SMN1: variants seen among roughly 807,000 people sequenced by gnomAD.
The protein encoded by SMN1 is survival motor neuron protein.
For missense variants in SMN1, 15 were observed against 17.1 expected (o/e 0.88, Z 0.22); for synonymous variants, 3 against 5.1 (o/e 0.58, Z 0.56).
intron 8 of SMN1, chr5:70,952,216 A>G: frequency 6.7e-7 from 1 of 1,497,742 alleles, no homozygotes; most frequent in Non-Finnish European, 8.9e-7. Flanking sequence ...GTTATGTGGA[A>G]GAAACATACT....
chr5:70,951,433 C>G (rs1749727816), intron 7 of SMN1, among the ~76,000 whole-genome samples: 1 of 151,896 alleles, frequency 6.6e-6, no homozygotes, highest in South Asian at 2.1e-4. Flanking sequence ...ACCACCATGC[C>G]TGGCTAATTT....
At chr5:70,943,869 A>G (rs1448495134) in intron 5 of SMN1, among the ~76,000 whole-genome samples, 3 of 140,924 alleles carry the variant, frequency 2.1e-5, no homozygotes, top group African/African-American at 5.0e-5. Context: ...GCTCACTGCA[A>G]CTTCCACCTC....
At chr5:70,956,691 C>T (rs1580898447), downstream of SMN1, among the ~76,000 whole-genome samples, 1 of 150,584 alleles carries the variant, frequency 6.6e-6, no homozygotes, top group East Asian at 2.0e-4. Context: ...GTTTTGGTAC[C>T]AGTACCATGC....
chr5:70,957,457 C>T (rs1317112805), downstream of SMN1, among the ~76,000 whole-genome samples: 3 of 147,436 alleles, frequency 2.0e-5, no homozygotes, highest in African/African-American at 2.5e-5. Flanking sequence ...GTGGGTTTGT[C>T]ATAGATAGCT....
intron 7 of SMN1, among the ~76,000 whole-genome samples, chr5:70,950,924 C>T (rs1001651962): frequency 7.3e-5 from 11 of 151,344 alleles, no homozygotes; most frequent in South Asian, 2.1e-4. Context: ...TAGGCGTGAG[C>T]CACTGTGCCC....
the SMN1 span, among the ~76,000 whole-genome samples, chr5:70,963,422 TAAG>T: frequency 4.8e-5 from 2 of 41,902 alleles, no homozygotes; most frequent in Non-Finnish European, 1.2e-4. Flanking sequence ...AAAGTTGACA[TAAG>T]AAGTTGTGGA....
chr5:70,948,110 CTG>C (rs1260202337), intron 7 of SMN1, among the ~76,000 whole-genome samples: 1 of 59,412 alleles, frequency 1.7e-5, no homozygotes, highest in African/African-American at 6.5e-5. Context: ...AGTTATCTGA[CTG>C]TAACACTGTA....
At chr5:70,943,750 A>G (rs1439457886) in intron 5 of SMN1, among the ~76,000 whole-genome samples, 2 of 139,016 alleles carry the variant, frequency 1.4e-5, no homozygotes, top group African/African-American at 5.0e-5. Context: ...TCTTTTGTGT[A>G]AAGCGGTGAT....
intron 7 of SMN1, among the ~76,000 whole-genome samples, chr5:70,951,212 GT>G (rs1279906967): frequency 2.0e-5 from 3 of 151,136 alleles, no homozygotes; most frequent in Admixed American, 6.6e-5. Flanking sequence ...TCTCACCTCA[GT>G]TTCCCGAGTA....
downstream of SMN1, among the ~76,000 whole-genome samples, chr5:70,958,703 T>G (rs1283658140): frequency 7.3e-6 from 1 of 137,026 alleles, no homozygotes; most frequent in Non-Finnish European, 1.6e-5. Flanking sequence ...TTCTGTTCTT[T>G]TACGTTTGCT....
Position 70,951,948 on chromosome 5 carries a change from G to A in SMN1, c.842G>A (p.Arg281Lys). Reference protein sequence around the residue: ...GYHTGYYMGFRQNQKEGRCSH... With the variant: ...GYHTGYYMGFKQNQKEGRCSH... ...CCTTTATTTTCCTTACAGGGTTTCA[G>A]ACAAAATCAAAAAGAAGGAAGGTGC... The change falls in exon 8 of 9, where the codon AGA becomes AAA. Residue 281 changes from arginine (R) to lysine (K), a missense_variant. Physicochemically the swap from Arg to Lys is conservative, Grantham distance 26. Coordinates refer to ENST00000380707, the MANE Select transcript of SMN1 (RefSeq NM_000344.4). The A allele has an allele frequency of 1.2e-6, 2 of 1,612,910 alleles. No homozygotes were observed. Among genetic ancestry groups the A allele is most frequent in the Non-Finnish European group, 1.7e-6 (2 of 1,179,400 alleles).
At chr5:70,935,773 CAAAA>C (rs879740939) in intron 1 of SMN1, among the ~76,000 whole-genome samples, 6 of 137,342 alleles carry the variant, frequency 4.4e-5, no homozygotes, top group Non-Finnish European at 9.5e-5. Flanking sequence ...CAAAACAAAA[CAAAA>C]AAAAAACAGG....
the SMN1 span, among the ~76,000 whole-genome samples, chr5:70,963,823 T>C: frequency 4.2e-4 from 47 of 112,044 alleles, 1 homozygote; most frequent in African/African-American, 8.4e-4. Context: ...TGAGTAGTGG[T>C]TGGAAGAGTT....
At chr5:70,960,110 C>T in the SMN1 span, among the ~76,000 whole-genome samples, 33 of 150,276 alleles carry the variant, frequency 2.2e-4, 2 homozygotes, top group Non-Finnish European at 4.3e-4. Context: ...CATATTTGTA[C>T]ATTTTTATTT....
At chr5:70,958,745 A>G (rs978301210), downstream of SMN1, among the ~76,000 whole-genome samples, 10 of 145,540 alleles carry the variant, frequency 6.9e-5, no homozygotes, top group South Asian at 6.9e-4. Context: ...TATGTGGTCA[A>G]TTTTGGAATA....
intron 5 of SMN1, among the ~76,000 whole-genome samples, chr5:70,943,770 G>A (rs950377298): frequency 2.1e-5 from 3 of 142,238 alleles, no homozygotes; most frequent in African/African-American, 7.4e-5. Context: ...TTTCTTCCAT[G>A]GAGGGAATGG....
At chr5:70,963,890 TTTTTTTTTTTTTGAGA>T in the SMN1 span, among the ~76,000 whole-genome samples, 2 of 94,314 alleles carry the variant, frequency 2.1e-5, no homozygotes, top group East Asian at 5.2e-4. Flanking sequence ...TTTTTTTTTT[TTTTTTTTTTTTTGAGA>T]CGGAGTCTTG....
the SMN1 span, among the ~76,000 whole-genome samples, chr5:70,963,929 G>A: frequency 1.1e-5 from 1 of 88,644 alleles, no homozygotes; most frequent in South Asian, 3.7e-4. Flanking sequence ...CTGTCGCCCA[G>A]GCTGGAGTGC....
intron 1 of SMN1, among the ~76,000 whole-genome samples, chr5:70,935,770 AAAC>A: frequency 6.9e-6 from 1 of 144,694 alleles, no homozygotes. Context: ...AAACAAAACA[AAAC>A]AAAAAAAAAA....
Sources: allele counts gnomAD v4.1 joint callset (sites outside exome capture counted in the v4.1 genomes callset), GRCh38; gene constraint gnomAD v4.1.1; transcripts MANE v1.5; gene names NCBI Gene and HGNC (gene_info 2026-07-23, HGNC 2026-07-21).